BAZ2B: variants seen among roughly 807,000 people sequenced by gnomAD.
The protein encoded by BAZ2B is bromodomain adjacent to zinc finger domain 2B.
Under a neutral mutation model 246.0 loss-of-function variants are expected in BAZ2B, and 91 were observed. The ratio of observed to expected loss-of-function variants is 0.37; its 90% CI spans 0.31 to 0.44. The LOEUF (loss-of-function observed/expected upper bound fraction) is 0.44. BAZ2B is among the 20% of genes least tolerant of loss of function. BAZ2B has a pLI of 1.00. For missense variants in BAZ2B, 2,332 were observed against 2,533.7 expected (o/e 0.92, Z 1.71); for synonymous variants, 855 against 860.0 (o/e 0.99, Z 0.10).
chr2:159,619,294 T>A (rs1313519516), upstream of BAZ2B, among the ~76,000 whole-genome samples: 1 of 151,656 alleles, frequency 6.6e-6, no homozygotes, highest in African/African-American at 2.4e-5. Flanking sequence ...ACAAAATACA[T>A]CTTATCATCA....
chr2:159,358,368 G>C (rs190021468), intron 27 of BAZ2B, among the ~76,000 whole-genome samples: 2,120 of 151,784 alleles, frequency 0.014, 37 homozygotes, highest in Middle Eastern at 0.071. Flanking sequence ...GACAAAGAAA[G>C]GCATTACATA....
chr2:159,380,687 G>A (rs1208844391), intron 25 of BAZ2B, among the ~76,000 whole-genome samples: 1 of 152,138 alleles, frequency 6.6e-6, no homozygotes, highest in African/African-American at 2.4e-5. Context: ...TTTCTTCAGG[G>A]AATCTGATAT....
upstream of BAZ2B, chr2:159,617,154 A>C (rs1579010639): frequency 1.3e-5 from 2 of 152,184 alleles, no homozygotes; most frequent in South Asian, 4.1e-4. Flanking sequence ...CAAGTTTCTG[A>C]GAGATTAGAA....
the BAZ2B span, among the ~76,000 whole-genome samples, chr2:159,622,055 G>A: frequency 9.2e-5 from 14 of 151,626 alleles, no homozygotes; most frequent in African/African-American, 2.7e-4. Flanking sequence ...GCGGTGACCC[G>A]AGATCATGCC....
intron 33 of BAZ2B, 179 bp from the exon 34 acceptor site, chr2:159,332,865 G>A: frequency 1.5e-6 from 1 of 681,130 alleles, no homozygotes; most frequent in South Asian, 2.0e-5. Context: ...ACCACATGAC[G>A]GGTGAGCAGT....
chr2:159,333,246 T>C (rs1264524878), intron 33 of BAZ2B, among the ~76,000 whole-genome samples: 2 of 152,256 alleles, frequency 1.3e-5, no homozygotes, highest in Non-Finnish European at 2.9e-5. Flanking sequence ...CAGGAAACGT[T>C]GAAAATCAAC....
chr2:159,415,391 G>A (rs1334429201), intron 13 of BAZ2B, among the ~76,000 whole-genome samples: 1 of 139,288 alleles, frequency 7.2e-6, no homozygotes, highest in South Asian at 2.2e-4. Context: ...GTTGCAGTGA[G>A]CCAAGATTGC....
intron 1 of BAZ2B, among the ~76,000 whole-genome samples, chr2:159,576,428 A>C (rs1325619384): frequency 6.6e-6 from 1 of 152,060 alleles, no homozygotes; most frequent in Non-Finnish European, 1.5e-5. Flanking sequence ...ATAAGAAAGA[A>C]ATAAAGCTGA....
intron 13 of BAZ2B, 113 bp from the exon 14 acceptor site, chr2:159,412,658 T>C (rs2067003708): frequency 1.1e-6 from 1 of 931,776 alleles, no homozygotes; most frequent in East Asian, 2.7e-5. Context: ...TTTACAACAT[T>C]AGTATAAGCT....
chr2:159,520,507 C>A (rs979353688), intron 2 of BAZ2B, among the ~76,000 whole-genome samples: 2 of 152,096 alleles, frequency 1.3e-5, no homozygotes, highest in African/African-American at 4.8e-5. Context: ...TTTTATATTA[C>A]CCACCATGAA....
chr2:159,539,792 T>C (rs1018584538), intron 2 of BAZ2B, among the ~76,000 whole-genome samples: 1 of 152,236 alleles, frequency 6.6e-6, no homozygotes, highest in Non-Finnish European at 1.5e-5. Context: ...AACTTTTTTT[T>C]TAAATGATAT....
chr2:159,485,219 A>G (rs1033527360), intron 2 of BAZ2B, among the ~76,000 whole-genome samples: 1 of 152,194 alleles, frequency 6.6e-6, no homozygotes, highest in African/African-American at 2.4e-5. Flanking sequence ...ATAAAACTTC[A>G]AGATATTAAA....
In BAZ2B at chr2:159,391,823, G is replaced by A. The variant is rs972186368; in HGVS notation, c.3076-2338C>T. Among the ~76,000 whole-genome samples the A allele has an allele frequency of 7.9e-5, 12 of 152,180 alleles. 1 individual carries two copies. Among genetic ancestry groups the A allele is most frequent in the Non-Finnish European group, 1.5e-4 (10 of 68,012 alleles). On this transcript the variant is annotated intron_variant, in intron 20 of 36. Transcript: ENST00000392783. ...AGATTTCCAAAAAATTAGAGAAATC[G>A]GTGTGACCTTTATCAGTTAAAGACA...
At chr2:159,615,866 G>C (rs1244089556) in intron 1 of BAZ2B, 1 of 152,404 alleles carries the variant, frequency 6.6e-6, no homozygotes, top group Non-Finnish European at 1.5e-5. Flanking sequence ...CTGCCCGGCC[G>C]GGAGCACAAC....
intron 3 of BAZ2B, chr2:159,462,533 G>T: frequency 2.2e-6 from 2 of 924,302 alleles, no homozygotes; most frequent in Non-Finnish European, 3.6e-6. Context: ...ACTAATTGCT[G>T]TCTGATATTC....
At chr2:159,532,568 A>C (rs1480378297) in intron 2 of BAZ2B, among the ~76,000 whole-genome samples, 1 of 152,216 alleles carries the variant, frequency 6.6e-6, no homozygotes, top group East Asian at 1.9e-4. Flanking sequence ...AGTGTGTTAC[A>C]TAAGAAGGAA....
intron 12 of BAZ2B, 48 bp from the exon 13 acceptor site, chr2:159,428,090 C>A: frequency 2.6e-6 from 4 of 1,548,598 alleles, no homozygotes; most frequent in Non-Finnish European, 3.6e-6. Context: ...TAATTACAAC[C>A]CAGCTTTGAT....
chr2:159,531,000 A>C (rs2085325342), intron 2 of BAZ2B, among the ~76,000 whole-genome samples: 1 of 152,072 alleles, frequency 6.6e-6, no homozygotes, highest in Non-Finnish European at 1.5e-5. Context: ...AAGCAAATTA[A>C]AATGAAAATT....
At chr2:159,395,704 G>A (rs2063918409) in intron 20 of BAZ2B, 65 bp downstream of exon 20, 6 of 1,375,102 alleles carry the variant, frequency 4.4e-6, no homozygotes, top group Non-Finnish European at 5.0e-6. Flanking sequence ...ATATTTAGAA[G>A]AGCCAATGCT....
Sources: allele counts gnomAD v4.1 joint callset (sites outside exome capture counted in the v4.1 genomes callset), GRCh38; gene constraint gnomAD v4.1.1; transcripts MANE v1.5; gene names NCBI Gene and HGNC (gene_info 2026-07-23, HGNC 2026-07-21).